Variants in TMPRSS2 observed in about 807,000 individuals in gnomAD.
TMPRSS2 encodes the protein transmembrane protease serine 2.
A neutral mutation model predicts 67.4 loss-of-function variants in TMPRSS2; 59 were observed. The observed-to-expected ratio is 0.88, with a 90% CI of 0.71 to 1.09. The LOEUF is 1.09. Ranked by LOEUF, TMPRSS2 falls within the 50% of genes least tolerant of loss-of-function variation. The pLI, the probability that TMPRSS2 is intolerant of heterozygous loss-of-function variation, is 0.00. For synonymous variants in TMPRSS2, 257 were observed against 257.0 expected (o/e 1.00, Z 0.00); for missense variants, 668 against 642.7 (o/e 1.04, Z -0.43).
rs2091234355 is a variant in TMPRSS2 at position 41,478,678 on chromosome 21, C to T, written c.683+494G>A. Among the ~76,000 whole-genome samples the T allele has an allele frequency of 6.6e-6, 1 of 152,124 alleles. No homozygotes were observed. The highest frequency in any genetic ancestry group is 1.5e-5 in the Non-Finnish European group (1 of 68,026). On this transcript the variant is annotated intron_variant, in intron 7 of 13. Transcript: ENST00000332149. The surrounding 1 kb of genome is among the most constrained non-coding windows in gnomAD (Gnocchi z 4.0). ...CCATCCCTCACAGAGCACCCTCTGG[C>T]ACTGCTGTCCCGGGGTTGGGGCTAA...
intron 1 of TMPRSS2, among the ~76,000 whole-genome samples, chr21:41,504,548 C>T (rs957324222): frequency 6.6e-6 from 1 of 152,212 alleles, no homozygotes; most frequent in East Asian, 1.9e-4. Context: ...TAACCAAGTC[C>T]CAGATCAGGC....
intron 2 of TMPRSS2, among the ~76,000 whole-genome samples, chr21:41,495,301 T>G (rs1005355825): frequency 6.6e-6 from 1 of 152,032 alleles, no homozygotes; most frequent in African/African-American, 2.4e-5. Flanking sequence ...ACGATTACAG[T>G]TGAGAAAATT....
At chr21:41,466,281 A>G (rs940035693) in intron 13 of TMPRSS2, 128 bp from the exon 14 acceptor site, 2 of 867,632 alleles carry the variant, frequency 2.3e-6, no homozygotes, top group Non-Finnish European at 3.7e-6. Context: ...GCACAAAGGG[A>G]TCATTCTTCT....
chr21:41,492,619 A>G (rs1193777410), intron 3 of TMPRSS2, among the ~76,000 whole-genome samples: 5 of 152,252 alleles, frequency 3.3e-5, no homozygotes, highest in African/African-American at 1.2e-4. Flanking sequence ...CAATTAAATT[A>G]CTAAATTATT....
chr21:41,481,773 A>AT (rs1403335160), intron 5 of TMPRSS2, among the ~76,000 whole-genome samples: 2 of 152,216 alleles, frequency 1.3e-5, no homozygotes, highest in East Asian at 3.9e-4. Flanking sequence ...TTAAAAATAT[A>AT]TAAGATAAGC....
chr21:41,468,358 TG>T, intron 12 of TMPRSS2, 37 bp downstream of exon 12: 7 of 1,611,302 alleles, frequency 4.3e-6, no homozygotes, highest in Non-Finnish European at 4.2e-6. Flanking sequence ...CAGTAGGATC[TG>T]GTAAGGACCA....
intron 4 of TMPRSS2, 71 bp downstream of exon 4, chr21:41,489,436 A>G: frequency 7.4e-7 from 1 of 1,343,322 alleles, no homozygotes; most frequent in Non-Finnish European, 1.0e-6. Flanking sequence ...AATAGCCCAG[A>G]GAGCAGGGTC....
At chr21:41,480,627 T>C (rs2091249654) in intron 5 of TMPRSS2, 25 bp from the exon 6 acceptor site, 1 of 1,612,758 alleles carries the variant, frequency 6.2e-7, no homozygotes, top group Non-Finnish European at 8.5e-7. Flanking sequence ...GGATTATCCA[T>C]GAGTTTCTTT....
intron 11 of TMPRSS2, 89 bp from the exon 12 acceptor site, chr21:41,468,627 A>C: frequency 2.1e-6 from 3 of 1,463,136 alleles, no homozygotes; most frequent in Non-Finnish European, 2.8e-6. Context: ...CTCCACACGC[A>C]CTACACAGAT....
Position 41,467,881 on chromosome 21 carries a change from G to A in TMPRSS2, c.1320C>T (p.Asp440=). ...TCGAAGTGACCAGAGGCCCTCCACT[G>A]TCACCCTGTGGGACACAGCAAGGTA... ...LQGNVDSCQG[D]SGGPLVTSKN... The change falls in exon 13 of 14, where the codon GAC becomes GAT. Residue 440 remains aspartate, a synonymous_variant. Transcript: ENST00000332149. 1 of 1,614,154 alleles carries A rather than the reference G, an allele frequency of 6.2e-7. No individual in the cohort carries two copies. Among genetic ancestry groups the A allele is most frequent in the Non-Finnish European group, 8.5e-7 (1 of 1,180,030 alleles).
At chr21:41,479,006 C>A (rs893281455) in intron 7 of TMPRSS2, among the ~76,000 whole-genome samples, 166 bp downstream of exon 7, 2 of 152,188 alleles carry the variant, frequency 1.3e-5, no homozygotes, top group South Asian at 4.1e-4. Context: ...AAACCAAGGG[C>A]TGCTTAGAGT....
At chr21:41,468,679 C>T in intron 11 of TMPRSS2, 141 bp from the exon 12 acceptor site, 1 of 905,132 alleles carries the variant, frequency 1.1e-6, no homozygotes, top group East Asian at 2.6e-5. Context: ...GTCAGCTCAT[C>T]CCAGCACCAA....
chr21:41,466,071 C>A lies in TMPRSS2; in HGVS notation c.*71G>T. On this transcript the variant is annotated 3_prime_UTR_variant, in exon 14 of 14. Transcript: ENST00000332149. ...CTCTGAATCATCTCTAAGAGTAAAT[C>A]ATGCACGGGGAAGCAAAACCAGCCC... 6.4e-7 allele frequency: 1 copy of A among 1,559,812 alleles called. No individual in the cohort carries two copies. The highest frequency in any genetic ancestry group is 2.2e-5 in the East Asian group (1 of 44,544).
rs749877129 is a variant in TMPRSS2, at chr21:41,470,772, C to A, written c.1076-29G>T. On this transcript the variant is annotated intron_variant, in intron 10 of 13. Transcript: ENST00000332149. ...TTTCAAGAAGAGAAAACACAGTGAG[C>A]CAGGCGGGTATCACCTATGTCTCCA... 14 of 850,698 alleles carry A rather than the reference C, an allele frequency of 1.6e-5. No individual in the cohort carries two copies. In the South Asian group the frequency reaches 2.0e-4, roughly 12 times the overall value. 52.7% of individuals were successfully genotyped at this position (850,698 alleles called of 1,614,324 possible). A position where few individuals can be genotyped will look rare whatever the true frequency, so the allele number is the denominator to read the frequency against.
Position 41,465,005 on chromosome 21 carries a change from A to T in TMPRSS2, c.*1137T>A. ...CACAGCATTGGAAGGGACCACAGAG[A>T]GTCCAAAACAAAACACATCTTTCTC... is the stretch of plus-strand genomic sequence containing the variant. On this transcript the variant is annotated 3_prime_UTR_variant, in exon 14 of 14. Coordinates refer to ENST00000332149, the MANE Select transcript of TMPRSS2 (RefSeq NM_005656.4). 4.3e-6 allele frequency: 1 copy of T among 233,312 alleles called. No homozygotes were observed. Among genetic ancestry groups the T allele is most frequent in the Non-Finnish European group, 8.5e-6 (1 of 118,056 alleles). 14.5% of individuals were successfully genotyped at this position (233,312 alleles called of 1,614,324 possible). A position where few individuals can be genotyped will look rare whatever the true frequency, so the allele number is the denominator to read the frequency against.
chr21:41,471,431 T>C (rs2091132516), intron 10 of TMPRSS2, among the ~76,000 whole-genome samples: 1 of 152,220 alleles, frequency 6.6e-6, no homozygotes, highest in Admixed American at 6.5e-5. Flanking sequence ...CACAGCTTGG[T>C]AGCTACTGGC....
At chr21:41,480,881 C>T (rs1383677482) in intron 5 of TMPRSS2, among the ~76,000 whole-genome samples, 1 of 152,084 alleles carries the variant, frequency 6.6e-6, no homozygotes, top group Admixed American at 6.5e-5. Context: ...CAGGTGATCC[C>T]CCTGCCTCGG....
intron 2 of TMPRSS2, 163 bp from the exon 3 acceptor site, chr21:41,494,741 A>C: frequency 1.3e-6 from 1 of 768,896 alleles, no homozygotes; most frequent in South Asian, 1.5e-5. Context: ...CAACTTGTAC[A>C]GTTAGAGATT....
intron 8 of TMPRSS2, among the ~76,000 whole-genome samples, chr21:41,476,054 A>G (rs939249925): frequency 2.4e-4 from 37 of 152,096 alleles, no homozygotes; most frequent in African/African-American, 8.5e-4. Context: ...TAAGCACTCT[A>G]AACACAGAGA....
Sources: gnomAD v4.1 joint callset for allele counts (sites outside exome capture counted in the v4.1 genomes callset) on GRCh38, gnomAD v4.1.1 for gene constraint, Gnocchi (gnomAD v3.1) non-coding constraint, MANE v1.5 for transcripts, NCBI Gene and HGNC (gene_info 2026-07-23, HGNC 2026-07-21) for gene names.